MICAL2: variants seen among roughly 807,000 people sequenced by gnomAD.
MICAL2 encodes the protein microtubule associated monooxygenase, calponin and LIM domain containing 2.
In MICAL2, 77 loss-of-function variants were observed where a neutral mutation model predicts 127.3. The observed-to-expected ratio is 0.60, with a 90% confidence interval of 0.50 to 0.73. The LOEUF is 0.73. Ranked by LOEUF, MICAL2 falls within the 30% of genes least tolerant of loss-of-function variation. The probability of loss-of-function intolerance (pLI) is 0.00; values close to 1 mark genes in which losing one functional copy is unlikely to be tolerated. For missense variants in MICAL2, 1,351 were observed against 1,434.4 expected (o/e 0.94, Z 0.94); for synonymous variants, 570 against 551.1 (o/e 1.03, Z -0.48).
intron 27 of MICAL2, chr11:12,263,344 A>T (rs1863373500): frequency 6.6e-6 from 1 of 152,206 alleles, no homozygotes; most frequent in African/African-American, 2.4e-5. Context: ...ATAATCACCA[A>T]CACACTCTTA....
At chr11:12,159,585 C>G (rs1446185680) in intron 2 of MICAL2, among the ~76,000 whole-genome samples, 1 of 152,184 alleles carries the variant, frequency 6.6e-6, no homozygotes, top group Non-Finnish European at 1.5e-5. Context: ...AGCTCTGAAG[C>G]CTTACAGTTT....
intron 15 of MICAL2, among the ~76,000 whole-genome samples, chr11:12,230,176 G>A (rs529632237): frequency 6.6e-6 from 1 of 152,182 alleles, no homozygotes; most frequent in East Asian, 1.9e-4. Flanking sequence ...ATACCTTGTT[G>A]TATCTGAATG....
intron 10 of MICAL2, 69 bp downstream of exon 10, chr11:12,221,828 C>A: frequency 7.9e-7 from 1 of 1,271,406 alleles, no homozygotes; most frequent in Non-Finnish European, 1.1e-6. Flanking sequence ...GCAAGATCAC[C>A]CCGCAGGTGA....
chr11:12,336,726 T>C (rs570961859), intron 32 of MICAL2, among the ~76,000 whole-genome samples: 1 of 152,196 alleles, frequency 6.6e-6, no homozygotes, highest in Non-Finnish European at 1.5e-5. Flanking sequence ...GGTTTTTGTC[T>C]TTGGTTCTGT....
At chr11:12,162,046 A>G (rs1854870578) in intron 2 of MICAL2, 33 bp from the exon 3 acceptor site, 2 of 1,506,144 alleles carry the variant, frequency 1.3e-6, no homozygotes, top group Non-Finnish European at 1.8e-6. Context: ...CTCATCGTCC[A>G]AAGCTGACCT....
chr11:12,276,102 G>A, exon 1 of MICAL2: 1 of 399,280 alleles, frequency 2.5e-6, no homozygotes, highest in Non-Finnish European at 4.4e-6. Flanking sequence ...GATCAGCCCT[G>A]GGGAGGAAGC....
chr11:12,296,040 TAATC>T (rs1863981782), downstream of MICAL2, among the ~76,000 whole-genome samples: 1 of 152,072 alleles, frequency 6.6e-6, no homozygotes, highest in African/African-American at 2.4e-5. Context: ...ATATATCAAA[TAATC>T]AGAGTAATCC....
At chr11:12,200,995 T>C (rs1209509003) in intron 3 of MICAL2, among the ~76,000 whole-genome samples, 1 of 152,238 alleles carries the variant, frequency 6.6e-6, no homozygotes, top group African/African-American at 2.4e-5. Flanking sequence ...GAATCCAGAC[T>C]TAACCCCAAA....
At chr11:12,124,332 G>C (rs534484066) in intron 1 of MICAL2, among the ~76,000 whole-genome samples, 1 of 152,280 alleles carries the variant, frequency 6.6e-6, no homozygotes, top group South Asian at 2.1e-4. Flanking sequence ...TTTGGGAAGA[G>C]TGATTGAAGC....
chr11:12,116,612 T>C (rs7937630), intron 1 of MICAL2: 150,861 of 152,330 alleles, frequency 0.99, 74,714 homozygotes, highest in East Asian at 1. Context: ...GCTGATAAGG[T>C]TTCTTCTTCC....
chr11:12,211,464 G>T (rs1590372229), intron 6 of MICAL2, among the ~76,000 whole-genome samples: 1 of 152,240 alleles, frequency 6.6e-6, no homozygotes, highest in African/African-American at 2.4e-5. Context: ...TCAGCATGAG[G>T]CTGGAGTACA....
chr11:12,160,618 G>A (rs1469854921), intron 2 of MICAL2, among the ~76,000 whole-genome samples: 1 of 152,220 alleles, frequency 6.6e-6, no homozygotes, highest in African/African-American at 2.4e-5. Context: ...CAGTCTTCTA[G>A]TAAAATAAAT....
At chr11:12,143,510 G>A (rs1852559475) in intron 2 of MICAL2, among the ~76,000 whole-genome samples, 1 of 152,220 alleles carries the variant, frequency 6.6e-6, no homozygotes, top group South Asian at 2.1e-4. Flanking sequence ...AACTTCTGCT[G>A]GGGGCTCATT....
chr11:12,199,071 T>C (rs1436738452), intron 3 of MICAL2, among the ~76,000 whole-genome samples: 1 of 152,194 alleles, frequency 6.6e-6, no homozygotes, highest in East Asian at 1.9e-4. Context: ...AGACCAATAG[T>C]ACCTGGGTTA....
At chr11:12,246,054 A>G (rs1029724704) in intron 21 of MICAL2, among the ~76,000 whole-genome samples, 7 of 152,254 alleles carry the variant, frequency 4.6e-5, no homozygotes, top group Non-Finnish European at 7.3e-5. Context: ...TCTCATCCCC[A>G]GAAAAGTCTG....
intron 13 of MICAL2, chr11:12,225,856 A>G: frequency 4.5e-6 from 1 of 221,860 alleles, no homozygotes; most frequent in Non-Finnish European, 7.7e-6. Flanking sequence ...TGTAATTAAA[A>G]AGAAAAAAAG....
intron 33 of MICAL2, chr11:12,354,691 A>G (rs1341958227): frequency 1.0e-6 from 1 of 999,916 alleles, no homozygotes; most frequent in Non-Finnish European, 1.5e-6. Context: ...AATTAGGAAA[A>G]AAGAATGCTG....
intron 1 of MICAL2, chr11:12,280,907 AC>A: frequency 2.5e-6 from 1 of 398,898 alleles, no homozygotes; most frequent in Non-Finnish European, 4.4e-6. Context: ...CCCCTGACTC[AC>A]CCACCCACTC....
intron 3 of MICAL2, among the ~76,000 whole-genome samples, chr11:12,167,715 C>T (rs960126499): frequency 1.1e-4 from 17 of 152,164 alleles, no homozygotes; most frequent in African/African-American, 3.9e-4. Flanking sequence ...GTCTGCTTAC[C>T]TGACAATAGA....
Sources: gnomAD v4.1 joint callset for allele counts (sites outside exome capture counted in the v4.1 genomes callset) on GRCh38, gnomAD v4.1.1 for gene constraint, MANE v1.5 for transcripts, NCBI Gene and HGNC (gene_info 2026-07-23, HGNC 2026-07-21) for gene names.